PCDHA2: variants seen among roughly 807,000 people sequenced by gnomAD.
PCDHA2 encodes protocadherin alpha 2.
In PCDHA2, 58 loss-of-function variants were observed where a neutral mutation model predicts 66.0. That is an observed-to-expected ratio of 0.88 (90% CI 0.71 to 1.09). PCDHA2 has a LOEUF of 1.09. Among genes scored for constraint, PCDHA2 ranks in the 50% least tolerant of loss-of-function variants. The pLI is 0.00. For missense variants in PCDHA2, 1,267 were observed against 1,242.3 expected, an observed-to-expected ratio of 1.02 and a Z score of -0.30; for synonymous variants, 634 against 554.0, an observed-to-expected ratio of 1.14 and a Z score of -2.03.
chr5:140,803,115 G>A, intron 1 of PCDHA2: 1 of 1,613,830 alleles, frequency 6.2e-7, no homozygotes. Context: ...CCTGGACGAG[G>A]TGGACGCCCC....
At position 140,843,365 on chromosome 5, in the gene PCDHA2, C is replaced by G. The variant is rs2150358343; in HGVS notation, c.2388+46013C>G. ...CCAGGCTCCAAAAGCGTCATCGAGGCAGTCGGCTGGCGTTTTGGGTCCGGA... is the reference window on the plus strand; with the variant it reads ...CCAGGCTCCAAAAGCGTCATCGAGGGAGTCGGCTGGCGTTTTGGGTCCGGA... On this transcript the variant is annotated intron_variant, in intron 1 of 3. Transcript: ENST00000526136. 3 of 1,595,994 alleles carry G rather than the reference C, an allele frequency of 1.9e-6. No individual in the cohort carries two copies. The highest frequency in any genetic ancestry group is 2.6e-6 in the Non-Finnish European group (3 of 1,165,606).
chr5:140,951,021 G>A (rs960559037), intron 1 of PCDHA2, among the ~76,000 whole-genome samples: 1 of 151,932 alleles, frequency 6.6e-6, no homozygotes, highest in Non-Finnish European at 1.5e-5. Context: ...CAGGCAGTGA[G>A]TTTTAATTTC....
At chr5:140,946,611 A>AATATAT (rs1554217734) in intron 1 of PCDHA2, among the ~76,000 whole-genome samples, 1,127 of 86,766 alleles carry the variant, frequency 0.013, 130 homozygotes, top group African/African-American at 0.067. Flanking sequence ...GAAAATGTGA[A>AATATAT]ATATATATAT....
intron 2 of PCDHA2, among the ~76,000 whole-genome samples, chr5:140,980,152 C>G (rs1554241475): frequency 6.6e-6 from 1 of 152,040 alleles, no homozygotes; most frequent in African/African-American, 2.4e-5. Context: ...CATGCATATA[C>G]CAGAATATTA....
At chr5:140,867,702 A>G (rs560641093) in intron 1 of PCDHA2, 1 of 152,136 alleles carries the variant, frequency 6.6e-6, no homozygotes, top group Admixed American at 6.5e-5. Flanking sequence ...TTCCTCCTAA[A>G]TCCTAAGGGT....
chr5:140,796,449 G>A lies in PCDHA2; in HGVS notation c.1485G>A (p.Val495=), dbSNP rs2149921780. Residue 495 remains valine, a synonymous_variant, in exon 1 of 4, where the codon GTG becomes GTA. Coordinates refer to ENST00000526136, the MANE Select transcript of PCDHA2 (RefSeq NM_018905.3). ...QENALVSYSL[V]ERRVGERALS... is the part of the protein sequence containing the mutation. ...ACGCGCTGGTGTCCTACTCGCTGGT[G>A]GAGCGGCGGGTGGGCGAGCGCGCGT... The A allele has an allele frequency of 6.2e-7, 1 of 1,613,100 alleles. No individual in the cohort carries two copies. Among genetic ancestry groups the A allele is most frequent in the Admixed American group, 1.7e-5 (1 of 60,016 alleles).
chr5:141,010,384 G>T lies in PCDHA2; in HGVS notation c.*447G>T, dbSNP rs2098417140. 10 of 1,411,480 alleles carry T rather than the reference G, an allele frequency of 7.1e-6. No homozygotes were observed. In the South Asian group the frequency reaches 8.5e-5, roughly 12 times the overall value. The allele number at this position is 1,411,480 out of a possible 1,614,324, so 87.4% of individuals were successfully genotyped here. A position where few individuals can be genotyped will look rare whatever the true frequency, so the allele number is the denominator to read the frequency against. ...GCGGGTATGCGAGTGCCAGATATTGGCTGAGACGAGCCAGCTTAGACTAAT... is the reference window on the plus strand; with the variant it reads ...GCGGGTATGCGAGTGCCAGATATTGTCTGAGACGAGCCAGCTTAGACTAAT... On this transcript the variant is annotated 3_prime_UTR_variant, in exon 4 of 4. Coordinates refer to ENST00000526136, the MANE Select transcript of PCDHA2 (RefSeq NM_018905.3).
At chr5:140,960,436 G>C (rs2095548378) in intron 1 of PCDHA2, among the ~76,000 whole-genome samples, 1 of 152,180 alleles carries the variant, frequency 6.6e-6, no homozygotes. Context: ...TGATACTCTA[G>C]ATATATGTAT....
chr5:140,870,560 A>G, intron 1 of PCDHA2: 1 of 1,614,000 alleles, frequency 6.2e-7, no homozygotes, highest in Middle Eastern at 1.7e-4. Flanking sequence ...GCGCAGGAGA[A>G]CGCGCTGGTG....
At chr5:140,947,371 A>G (rs1468768080) in intron 1 of PCDHA2, among the ~76,000 whole-genome samples, 1 of 151,626 alleles carries the variant, frequency 6.6e-6, no homozygotes, top group Non-Finnish European at 1.5e-5. Context: ...CCTTTGATCT[A>G]TATGTTTATC....
At chr5:140,837,516 C>CT (rs1554136502) in intron 1 of PCDHA2, among the ~76,000 whole-genome samples, 2 of 151,568 alleles carry the variant, frequency 1.3e-5, no homozygotes, top group African/African-American at 4.9e-5. Flanking sequence ...AAGCAGTTTA[C>CT]TTTTTTTGTA....
intron 1 of PCDHA2, chr5:140,927,440 C>T (rs782460713): frequency 3.7e-6 from 6 of 1,614,050 alleles, no homozygotes; most frequent in Admixed American, 3.3e-5. Context: ...AGCGAATACC[C>T]GGAGTTGGTG....
intron 1 of PCDHA2, chr5:140,830,124 C>A (rs1490985098): frequency 9.3e-6 from 15 of 1,613,462 alleles, no homozygotes; most frequent in Non-Finnish European, 1.3e-5. Flanking sequence ...GCTCCAAAGG[C>A]GTCATCACGG....
intron 1 of PCDHA2, among the ~76,000 whole-genome samples, chr5:140,909,546 A>T (rs1322878685): frequency 6.6e-6 from 1 of 152,180 alleles, no homozygotes; most frequent in African/African-American, 2.4e-5. Flanking sequence ...TGATGGTGGC[A>T]CTAATCTCTG....
Position 140,836,082 on chromosome 5 carries a change from G to A in PCDHA2, c.2388+38730G>A, listed in dbSNP as rs2150252202. On this transcript the variant is annotated intron_variant, in intron 1 of 3. Transcript: ENST00000526136. ...GAACGACAACGCGCCGGCACTGCTG[G>A]CGCCTCGGGTGGGTGGCACTGGTGG... 3.1e-6 allele frequency: 5 copies of A among 1,613,608 alleles called. No homozygotes were observed. The African/African-American group carries it at 5.3e-5, about 17-fold the overall frequency.
intron 1 of PCDHA2, chr5:140,850,770 T>C (rs2150497616): frequency 6.3e-7 from 1 of 1,598,038 alleles, no homozygotes; most frequent in Non-Finnish European, 8.6e-7. Flanking sequence ...GCAGAGGGTG[T>C]GCTCTGGCGA....
intron 1 of PCDHA2, among the ~76,000 whole-genome samples, chr5:140,915,680 A>G (rs2077249777): frequency 6.6e-6 from 1 of 150,862 alleles, no homozygotes; most frequent in South Asian, 2.1e-4. Context: ...ATCTTGAACT[A>G]GGGGTATGGT....
intron 1 of PCDHA2, among the ~76,000 whole-genome samples, chr5:140,906,383 T>A (rs1386557574): frequency 6.6e-6 from 1 of 152,214 alleles, no homozygotes; most frequent in African/African-American, 2.4e-5. Context: ...TTACATAAAG[T>A]TAACATTTAA....
At chr5:140,856,401 T>C (rs782164641) in intron 1 of PCDHA2, 20 of 1,598,386 alleles carry the variant, frequency 1.3e-5, no homozygotes, top group Non-Finnish European at 4.3e-6. Context: ...GTTTTCCATG[T>C]GGACGTGGAA....
Sources: allele counts gnomAD v4.1 joint callset (sites outside exome capture counted in the v4.1 genomes callset), GRCh38; gene constraint gnomAD v4.1.1; transcripts MANE v1.5; gene names NCBI Gene and HGNC (gene_info 2026-07-23, HGNC 2026-07-21).